SCNN1G: variants seen among roughly 807,000 people sequenced by gnomAD.
SCNN1G encodes the protein epithelial sodium channel subunit gamma.
In SCNN1G, 27 loss-of-function variants were observed where a neutral mutation model predicts 64.6. That is an observed-to-expected ratio of 0.42 (90% CI 0.31 to 0.58). The LOEUF (loss-of-function observed/expected upper bound fraction) is 0.58, where lower values mean the gene tolerates loss of function less well. Ranked by LOEUF, SCNN1G falls within the 20% of genes least tolerant of loss-of-function variation. The pLI, the probability that SCNN1G is intolerant of heterozygous loss-of-function variation, is 0.18. For synonymous variants in SCNN1G, 330 were observed against 314.2 expected (o/e 1.05, Z -0.53); for missense variants, 743 against 823.4 (o/e 0.90, Z 1.19).
chr16:23,193,444 G>A (rs1022421626), intron 4 of SCNN1G, among the ~76,000 whole-genome samples: 2 of 151,970 alleles, frequency 1.3e-5, no homozygotes, highest in Admixed American at 6.6e-5. Context: ...TCAGGAGTTC[G>A]AGACCAGCCT....
intron 11 of SCNN1G, 104 bp from the exon 12 acceptor site, chr16:23,214,608 C>T (rs1960130352): frequency 2.3e-6 from 2 of 874,814 alleles, no homozygotes; most frequent in Admixed American, 3.6e-5. Context: ...GAGCTCAGTG[C>T]CTTGGCCATG....
At chr16:23,205,903 T>G (rs1959982717) in intron 6 of SCNN1G, among the ~76,000 whole-genome samples, 1 of 152,162 alleles carries the variant, frequency 6.6e-6, no homozygotes. Context: ...AGCTGCCACT[T>G]TAGCCTGTTG....
intron 6 of SCNN1G, among the ~76,000 whole-genome samples, chr16:23,205,183 G>C (rs1189131105): frequency 6.6e-6 from 1 of 152,128 alleles, no homozygotes; most frequent in Non-Finnish European, 1.5e-5. Flanking sequence ...TTTCAGACTT[G>C]TTCGGATCCA....
At chr16:23,196,876 T>C (rs1348371202) in intron 5 of SCNN1G, among the ~76,000 whole-genome samples, 3 of 152,202 alleles carry the variant, frequency 2.0e-5, no homozygotes, top group Non-Finnish European at 2.9e-5. Flanking sequence ...CTTCTCTGAG[T>C]GCCCACCCTG....
intron 6 of SCNN1G, among the ~76,000 whole-genome samples, chr16:23,204,463 C>T (rs1959958853): frequency 6.9e-6 from 1 of 144,074 alleles, no homozygotes; most frequent in South Asian, 2.2e-4. Flanking sequence ...GGGAAGGTTT[C>T]TATTGTCTTT....
In SCNN1G at chr16:23,184,306, T is replaced by A. The variant is rs111741700; in HGVS notation, c.-45+1493T>A. On this transcript the variant is annotated intron_variant, in intron 1 of 12. Transcript: ENST00000300061. Reference sequence around the variant, plus strand: ...GAGCTGGGGATAGGAGCTTCCAGAATCACAGCTTCTGTTGAACATTCACAG... The same window carrying A: ...GAGCTGGGGATAGGAGCTTCCAGAAACACAGCTTCTGTTGAACATTCACAG... Among the ~76,000 whole-genome samples, 823 of 152,288 alleles carry A rather than the reference T, an allele frequency of 5.4e-3. 5 individuals carry two copies. The highest frequency in any genetic ancestry group is 0.019 in the African/African-American group (775 of 41,540).
chr16:23,184,173 A>G (rs1959567050), intron 1 of SCNN1G, among the ~76,000 whole-genome samples: 1 of 148,914 alleles, frequency 6.7e-6, no homozygotes, highest in Non-Finnish European at 1.5e-5. Flanking sequence ...GCAAAGAGCA[A>G]GATCAGTTCC....
rs150854967 is a variant in SCNN1G at position 23,215,410 on chromosome 16, C to T, written c.1891C>T (p.Arg631Cys). The T allele has an allele frequency of 3.2e-5, 51 of 1,613,746 alleles. No homozygotes were observed. Among genetic ancestry groups the T allele is most frequent in the African/African-American group, 1.7e-4 (13 of 74,900 alleles). Reference sequence around the variant, plus strand: ...ACCGCCCCCCAAATACAATACCTTGCGCTTGGAGAGGGCCTTTTCCAACCA... The same window carrying T: ...ACCGCCCCCCAAATACAATACCTTGTGCTTGGAGAGGGCCTTTTCCAACCA... The part of the protein sequence containing the change: ...GTPPPKYNTL[R>C]LERAFSNQLT... Residue 631 changes from arginine to cysteine, a missense_variant, in exon 13 of 13, where the codon CGC becomes TGC. Arg to Cys is a radical substitution (Grantham distance 180). Coordinates refer to ENST00000300061, the MANE Select transcript of SCNN1G (RefSeq NM_001039.4).
At chr16:23,202,896 C>T (rs1959915762) in intron 6 of SCNN1G, among the ~76,000 whole-genome samples, 1 of 152,046 alleles carries the variant, frequency 6.6e-6, no homozygotes, top group Admixed American at 6.6e-5. Context: ...ATTTGTTATG[C>T]CTTTGAGAAG....
intron 6 of SCNN1G, among the ~76,000 whole-genome samples, chr16:23,199,688 TTGA>T: frequency 8.2e-6 from 1 of 122,674 alleles, no homozygotes; most frequent in Admixed American, 8.0e-5. Flanking sequence ...TTTTTTTTTT[TTGA>T]GACAGAGTGT....
At chr16:23,211,995 G>A (rs770314016) in intron 7 of SCNN1G, 39 bp from the exon 8 acceptor site, 107 of 1,434,258 alleles carry the variant, frequency 7.5e-5, no homozygotes, top group Non-Finnish European at 1.0e-4. Flanking sequence ...ACATCCCTGA[G>A]CAAAGACATG....
intron 1 of SCNN1G, among the ~76,000 whole-genome samples, chr16:23,186,022 T>G (rs1251002388): frequency 1.3e-5 from 2 of 152,158 alleles, no homozygotes; most frequent in Non-Finnish European, 2.9e-5. Context: ...GTAGGCAGCT[T>G]CTCTGGCAGC....
intron 6 of SCNN1G, among the ~76,000 whole-genome samples, chr16:23,207,831 T>C (rs907862442): frequency 1.3e-5 from 2 of 152,160 alleles, no homozygotes; most frequent in Admixed American, 1.3e-4. Flanking sequence ...ATTATACCAG[T>C]TGAGATGGCT....
At chr16:23,186,181 C>A in intron 1 of SCNN1G, 47 bp from the exon 2 acceptor site, 2 of 1,237,852 alleles carry the variant, frequency 1.6e-6, no homozygotes, top group Non-Finnish European at 2.4e-6. Flanking sequence ...ACACACTAGC[C>A]GGCTAGTGCC....
chr16:23,186,696 A>T, intron 2 of SCNN1G, 108 bp downstream of exon 2: 1 of 928,842 alleles, frequency 1.1e-6, no homozygotes, highest in Non-Finnish European at 1.7e-6. Context: ...ATTCCAGCCT[A>T]CAAATGTGCT....
At chr16:23,205,466 G>A (rs1759715278) in intron 6 of SCNN1G, among the ~76,000 whole-genome samples, 1 of 152,098 alleles carries the variant, frequency 6.6e-6, no homozygotes, top group African/African-American at 2.4e-5. Context: ...GGGAGGCCAA[G>A]GAGGGCAGAT....
chr16:23,215,682 C>T lies in SCNN1G; in HGVS notation c.*213C>T, dbSNP rs538732376. ...CTACGCAGCAACACTCACAACTGTC[C>T]AGGCTGAGATAAATCCCGGGACCTG... On this transcript the variant is annotated 3_prime_UTR_variant, in exon 13 of 13. Transcript: ENST00000300061. 3.7e-4 allele frequency: 225 copies of T among 614,694 alleles called. 2 individuals are homozygous for T. The highest frequency in any genetic ancestry group is 3.6e-3 in the South Asian group (184 of 51,656). The allele number at this position is 614,694 out of a possible 1,614,324, so 38.1% of individuals were successfully genotyped here.
chr16:23,209,911 T>G, intron 7 of SCNN1G, 63 bp downstream of exon 7: 1 of 1,212,014 alleles, frequency 8.3e-7, no homozygotes, highest in Non-Finnish European at 1.2e-6. Context: ...GACAAAGTTA[T>G]ATCTAAGCTG....
chr16:23,203,663 G>A (rs889769990), intron 6 of SCNN1G, among the ~76,000 whole-genome samples: 31 of 151,210 alleles, frequency 2.1e-4, no homozygotes, highest in African/African-American at 6.8e-4. Context: ...CCAGCTACTC[G>A]GGAGGCTGAG....
Sources: gnomAD v4.1 joint callset for allele counts (sites outside exome capture counted in the v4.1 genomes callset) on GRCh38, gnomAD v4.1.1 for gene constraint, MANE v1.5 for transcripts, NCBI Gene and HGNC (gene_info 2026-07-23, HGNC 2026-07-21) for gene names.